BMPR1A: variants seen among roughly 807,000 people sequenced by gnomAD.
BMPR1A encodes the protein bone morphogenetic protein receptor type-1A.
A neutral mutation model predicts 66.0 loss-of-function variants in BMPR1A; 7 were observed. That is an observed-to-expected ratio of 0.11 (90% CI 0.06 to 0.20). The LOEUF (loss-of-function observed/expected upper bound fraction) is 0.20. Among genes scored for constraint, BMPR1A ranks in the 10% least tolerant of loss-of-function variants. The probability of loss-of-function intolerance (pLI) is 1.00; values close to 1 mark genes in which losing one functional copy is unlikely to be tolerated. For synonymous variants in BMPR1A, 200 were observed against 229.7 expected (o/e 0.87, Z 1.17); for missense variants, 408 against 669.1 (o/e 0.61, Z 4.31).
chr10:86,780,054 G>A (rs1490097280), intron 1 of BMPR1A, among the ~76,000 whole-genome samples: 1 of 152,116 alleles, frequency 6.6e-6, no homozygotes, highest in African/African-American at 2.4e-5. Context: ...ACAGGCATGA[G>A]CCCCTGGTAA....
intron 2 of BMPR1A, among the ~76,000 whole-genome samples, chr10:86,858,087 G>T (rs748316969): frequency 9.2e-4 from 140 of 152,234 alleles, no homozygotes; most frequent in Non-Finnish European, 1.7e-3. Flanking sequence ...GGTTTATTCA[G>T]TAAAGTTCTT....
intron 2 of BMPR1A, among the ~76,000 whole-genome samples, chr10:86,865,036 A>G (rs1280838713): frequency 1.3e-5 from 2 of 152,130 alleles, no homozygotes; most frequent in Non-Finnish European, 2.9e-5. Flanking sequence ...TCCTATTAAT[A>G]TAAGAAGGCG....
At chr10:86,878,801 A>G (rs1230738319) in intron 3 of BMPR1A, among the ~76,000 whole-genome samples, 1 of 152,170 alleles carries the variant, frequency 6.6e-6, no homozygotes, top group East Asian at 1.9e-4. Context: ...GATTGTCACA[A>G]TTGTCTTAAT....
chr10:86,926,965 G>A lies in BMPR1A; in HGVS notation c.*3246G>A, dbSNP rs1371088682. 1 of 189,174 alleles carries A rather than the reference G, an allele frequency of 5.3e-6. No individual in the cohort carries two copies. Among genetic ancestry groups the A allele is most frequent in the Admixed American group, 6.2e-5 (1 of 16,168 alleles). The allele number at this position is 189,174 out of a possible 1,614,324, so 11.7% of individuals were successfully genotyped here. A position where few individuals can be genotyped will look rare whatever the true frequency, so the allele number is the denominator to read the frequency against. On this transcript the variant is annotated 3_prime_UTR_variant, in exon 13 of 13. Transcript: ENST00000372037. Reference sequence around the variant, plus strand: ...GCTTTTTACTGAACAAGTTTCTGATGTATAAAACTTGCATCTGATTTCTTT... The same window carrying A: ...GCTTTTTACTGAACAAGTTTCTGATATATAAAACTTGCATCTGATTTCTTT...
chr10:86,766,617 C>CTTTTTT (rs71019427), intron 1 of BMPR1A, among the ~76,000 whole-genome samples: 7,339 of 130,982 alleles, frequency 0.056, 336 homozygotes, highest in Non-Finnish European at 0.062. Context: ...TCATATCAGT[C>CTTTTTT]TTTTTTTTTT....
intron 1 of BMPR1A, among the ~76,000 whole-genome samples, chr10:86,795,892 G>T (rs1674065880): frequency 6.6e-6 from 1 of 152,070 alleles, no homozygotes; most frequent in Non-Finnish European, 1.5e-5. Context: ...ATCTCAAATT[G>T]ATATTGAGTT....
intron 5 of BMPR1A, among the ~76,000 whole-genome samples, chr10:86,898,043 A>G (rs1013528113): frequency 6.6e-6 from 1 of 152,074 alleles, no homozygotes; most frequent in South Asian, 2.1e-4. Flanking sequence ...CTGTAATACT[A>G]TGCTCCTTAA....
chr10:86,893,805 G>C (rs180758991), intron 5 of BMPR1A, among the ~76,000 whole-genome samples: 184 of 150,232 alleles, frequency 1.2e-3, no homozygotes, highest in African/African-American at 4.2e-3. Flanking sequence ...AAAAAGAAAA[G>C]AAATTCTCAG....
At chr10:86,788,225 A>G (rs1419162619) in intron 1 of BMPR1A, among the ~76,000 whole-genome samples, 8 of 152,228 alleles carry the variant, frequency 5.3e-5, no homozygotes, top group African/African-American at 1.9e-4. Flanking sequence ...AAAGAGGCCC[A>G]TTCCGTTAGA....
intron 2 of BMPR1A, among the ~76,000 whole-genome samples, chr10:86,853,919 A>G (rs1309910606): frequency 6.6e-6 from 1 of 152,198 alleles, no homozygotes; most frequent in Non-Finnish European, 1.5e-5. Flanking sequence ...ACATCTTATC[A>G]GGAGACAGGG....
rs565708223 is a variant in BMPR1A at position 86,800,494 on chromosome 10, C to T, written c.-267-38371C>T. Among the ~76,000 whole-genome samples, 45 of 152,282 alleles carry T rather than the reference C, an allele frequency of 3.0e-4. No homozygotes were observed. The South Asian group carries it at 3.9e-3, about 13-fold the overall frequency. On this transcript the variant is annotated intron_variant, in intron 1 of 12. Transcript: ENST00000372037. ...GCAACCTCCGCCTCCCAGGTTCAAG[C>T]GATTCTTCTGCCTCAGTCTCCCAAG...
At chr10:86,772,196 T>A (rs1238899717) in intron 1 of BMPR1A, among the ~76,000 whole-genome samples, 3 of 144,484 alleles carry the variant, frequency 2.1e-5, no homozygotes, top group Non-Finnish European at 4.5e-5. Flanking sequence ...AGTGGCACGA[T>A]CTTGGCTCAG....
chr10:86,899,864 A>G lies in BMPR1A; in HGVS notation c.404A>G (p.Gln135Arg), dbSNP rs1344373156. 6.2e-7 allele frequency: 1 copy of G among 1,614,198 alleles called. No homozygotes were observed. Among genetic ancestry groups the G allele is most frequent in the South Asian group, 1.1e-5 (1 of 91,082 alleles). Residue 135 changes from glutamine to arginine, a missense_variant, in exon 6 of 13, where the codon CAA (glutamine) becomes CGA (arginine). Physicochemically the swap from Gln to Arg is conservative, Grantham distance 43. Coordinates refer to ENST00000372037, the MANE Select transcript of BMPR1A (RefSeq NM_004329.3). Reference protein sequence around the residue: ...CRTNLCNQYLQPTLPPVVIGP... With the variant: ...CRTNLCNQYLRPTLPPVVIGP... Reference sequence around the variant, plus strand: ...ACCAATTTATGTAACCAGTATTTGCAACCCACACTGCCCCCTGTTGTCATA... The same window carrying G: ...ACCAATTTATGTAACCAGTATTTGCGACCCACACTGCCCCCTGTTGTCATA...
chr10:86,890,967 A>T (rs1352999698), intron 4 of BMPR1A, among the ~76,000 whole-genome samples: 2 of 152,220 alleles, frequency 1.3e-5, no homozygotes, highest in African/African-American at 4.8e-5. Context: ...AAGACCAAAA[A>T]AAATTGCCTG....
chr10:86,863,886 T>G (rs1194410446), intron 2 of BMPR1A, among the ~76,000 whole-genome samples: 1 of 152,264 alleles, frequency 6.6e-6, no homozygotes, highest in Non-Finnish European at 1.5e-5. Flanking sequence ...TGATTGATTT[T>G]TAAAAATTGC....
At chr10:86,896,444 T>C (rs890384872) in intron 5 of BMPR1A, among the ~76,000 whole-genome samples, 2 of 152,192 alleles carry the variant, frequency 1.3e-5, no homozygotes, top group Admixed American at 6.5e-5. Flanking sequence ...CATACAGTTA[T>C]AGGAAATAAA....
chr10:86,829,934 T>C (rs2133060882), intron 1 of BMPR1A, among the ~76,000 whole-genome samples: 1 of 150,810 alleles, frequency 6.6e-6, no homozygotes, highest in African/African-American at 2.5e-5. Context: ...GAAAAAAAAA[T>C]TATTCAGTGA....
At chr10:86,837,231 C>CTGTGTGTGTGTGTGTGTGTGTGTGTG (rs140440137) in intron 1 of BMPR1A, among the ~76,000 whole-genome samples, 16 of 143,750 alleles carry the variant, frequency 1.1e-4, no homozygotes, top group Middle Eastern at 3.5e-3. Flanking sequence ...TAGAATCAGG[C>CTGTGTGTGTGTGTGTGTGTGTGTGTG]TGTGTGTGTG....
At chr10:86,865,475 G>A (rs1339904717) in intron 2 of BMPR1A, among the ~76,000 whole-genome samples, 1 of 151,806 alleles carries the variant, frequency 6.6e-6, no homozygotes, top group Non-Finnish European at 1.5e-5. Context: ...CCTATAAAAC[G>A]GCCCCACCCT....
Sources: gnomAD v4.1 joint callset for allele counts (sites outside exome capture counted in the v4.1 genomes callset) on GRCh38, gnomAD v4.1.1 for gene constraint, MANE v1.5 for transcripts, NCBI Gene and HGNC (gene_info 2026-07-23, HGNC 2026-07-21) for gene names.